Variants in BASP1 observed in about 807,000 individuals in gnomAD.
BASP1 encodes the protein brain acid soluble protein 1.
Under a neutral mutation model 2.2 loss-of-function variants are expected in BASP1, and 1 was observed. The observed-to-expected ratio is 0.46, with a 90% CI of 0.16 to 2.17. The LOEUF (loss-of-function observed/expected upper bound fraction) is 2.17, where lower values mean the gene tolerates loss of function less well. Ranked by LOEUF, BASP1 falls within the 30% of genes most tolerant of loss-of-function variation. The pLI is 0.27. For missense variants in BASP1, 352 were observed against 327.2 expected (o/e 1.08, Z -0.58); for synonymous variants, 187 against 154.2 (o/e 1.21, Z -1.58).
At chr5:17,273,149 A>T (rs952043143) in intron 1 of BASP1, among the ~76,000 whole-genome samples, 1 of 152,238 alleles carries the variant, frequency 6.6e-6, no homozygotes, top group African/African-American at 2.4e-5. Flanking sequence ...TATTTGGTAT[A>T]GGCCATTCGT....
intron 1 of BASP1, among the ~76,000 whole-genome samples, chr5:17,227,131 A>G (rs1411367531): frequency 6.6e-6 from 1 of 151,506 alleles, no homozygotes; most frequent in Non-Finnish European, 1.5e-5. Flanking sequence ...AGGTTTCACC[A>G]TGTTGGTCAG....
intron 1 of BASP1, among the ~76,000 whole-genome samples, chr5:17,270,142 A>C (rs1740501142): frequency 1.3e-5 from 2 of 152,124 alleles, no homozygotes; most frequent in African/African-American, 4.8e-5. Context: ...CTGGGATTAC[A>C]GGCATGCACC....
intron 1 of BASP1, among the ~76,000 whole-genome samples, chr5:17,228,255 T>C (rs1372342318): frequency 6.6e-6 from 1 of 152,212 alleles, no homozygotes; most frequent in East Asian, 1.9e-4. Flanking sequence ...TTTGATTTCA[T>C]CTGTACCAAA....
At chr5:17,220,564 A>C (rs186529187) in intron 1 of BASP1, among the ~76,000 whole-genome samples, 45 of 151,336 alleles carry the variant, frequency 3.0e-4, no homozygotes, top group African/African-American at 1.0e-3. Flanking sequence ...GCAGATAGAG[A>C]AATTGAGCCT....
intron 1 of BASP1, among the ~76,000 whole-genome samples, chr5:17,243,544 G>A (rs553849568): frequency 6.6e-6 from 1 of 152,290 alleles, no homozygotes; most frequent in East Asian, 1.9e-4. Flanking sequence ...GGTGAGGATT[G>A]GCCAGGCACA....
At chr5:17,226,085 A>G (rs1242070143) in intron 1 of BASP1, among the ~76,000 whole-genome samples, 4 of 152,238 alleles carry the variant, frequency 2.6e-5, no homozygotes, top group Admixed American at 2.6e-4. Context: ...TGACATATTG[A>G]GGTCAATAAG....
At chr5:17,227,435 C>T (rs1191452461) in intron 1 of BASP1, among the ~76,000 whole-genome samples, 2 of 135,094 alleles carry the variant, frequency 1.5e-5, no homozygotes, top group Admixed American at 7.3e-5. Context: ...AGAGTCTCGC[C>T]GTGTCGCCCA....
intron 1 of BASP1, among the ~76,000 whole-genome samples, chr5:17,239,722 A>T (rs935783382): frequency 3.9e-5 from 6 of 152,306 alleles, no homozygotes; most frequent in Middle Eastern, 3.4e-3. Context: ...TTTGCATGTG[A>T]TACTGCCCTT....
chr5:17,217,518 G>A (rs1479959177), upstream of BASP1: 1 of 133,554 alleles, frequency 7.5e-6, no homozygotes, highest in Admixed American at 7.3e-5. Context: ...CGGGCGGGGA[G>A]CGCGGGAGGA....
At chr5:17,239,082 C>T (rs1019505235) in intron 1 of BASP1, among the ~76,000 whole-genome samples, 9 of 151,880 alleles carry the variant, frequency 5.9e-5, no homozygotes, top group African/African-American at 2.2e-4. Flanking sequence ...ATCTTACATC[C>T]TGTCTTCAGC....
At chr5:17,218,607 CG>C (rs1739319265) in intron 1 of BASP1, among the ~76,000 whole-genome samples, 1 of 151,990 alleles carries the variant, frequency 6.6e-6, no homozygotes, top group Non-Finnish European at 1.5e-5. Context: ...GGCCCGGGCC[CG>C]GGGGGTGTGG....
intron 1 of BASP1, among the ~76,000 whole-genome samples, chr5:17,234,112 C>T (rs1181724877): frequency 6.6e-6 from 1 of 152,112 alleles, no homozygotes; most frequent in Non-Finnish European, 1.5e-5. Context: ...GCCTGCACGA[C>T]AGAGTGAGAC....
rs576796372 is a variant in BASP1, at chr5:17,250,900, G to T, written c.-9-24308G>T. On this transcript the variant is annotated intron_variant, in intron 1 of 1. Transcript: ENST00000322611. Reference sequence around the variant, plus strand: ...ATTACAGGCGTGAGCCACAGCGCCCGGCCAAAATATTTTAACCTGAATTTT... The same window carrying T: ...ATTACAGGCGTGAGCCACAGCGCCCTGCCAAAATATTTTAACCTGAATTTT... 2.6e-5 allele frequency among the ~76,000 whole-genome samples: 4 copies of T among 152,244 alleles called. No individual in the cohort carries two copies. In the East Asian group the frequency reaches 7.7e-4, roughly 29 times the overall value.
In BASP1 at chr5:17,276,002, T is replaced by C; in HGVS notation, c.*102T>C. On this transcript the variant is annotated 3_prime_UTR_variant, in exon 2 of 2. Coordinates refer to ENST00000322611, the MANE Select transcript of BASP1 (RefSeq NM_006317.5). ...CTCTCTATCTCCTCTCTCTCTCTCC[T>C]CTCCTATCTCTCCTCTCTCTCTCTC... is the stretch of plus-strand genomic sequence containing the variant. The C allele has an allele frequency of 1.0e-6, 1 of 966,258 alleles. No individual in the cohort carries two copies. Among genetic ancestry groups the C allele is most frequent in the Non-Finnish European group, 1.4e-6 (1 of 692,782 alleles). The allele number at this position is 966,258 out of a possible 1,614,324, so 59.9% of individuals were successfully genotyped here.
At chr5:17,217,093 A>AGAGAGAGAGAGAGAGAGAGAGAGAGAGT (rs1561160799), upstream of BASP1, 1 of 139,468 alleles carries the variant, frequency 7.2e-6, no homozygotes, top group East Asian at 2.1e-4. Flanking sequence ...AGAGAGAGAG[A>AGAGAGAGAGAGAGAGAGAGAGAGAGAGT]GAGTGAGTGA....
At chr5:17,270,753 G>C (rs949282419) in intron 1 of BASP1, among the ~76,000 whole-genome samples, 2 of 152,164 alleles carry the variant, frequency 1.3e-5, no homozygotes, top group Non-Finnish European at 2.9e-5. Flanking sequence ...GATGGGGGAA[G>C]GAACTAACAT....
At chr5:17,224,203 A>C (rs527839083) in intron 1 of BASP1, among the ~76,000 whole-genome samples, 1 of 152,356 alleles carries the variant, frequency 6.6e-6, no homozygotes, top group South Asian at 2.1e-4. Context: ...AGCAAAGGTG[A>C]ATTCACTCTC....
intron 1 of BASP1, among the ~76,000 whole-genome samples, chr5:17,247,833 TA>T (rs1740025883): frequency 1.3e-5 from 2 of 152,248 alleles, no homozygotes; most frequent in Admixed American, 1.3e-4. Context: ...TATCAGAGGA[TA>T]AATGTACTGC....
At chr5:17,232,978 TAAA>T in intron 1 of BASP1, among the ~76,000 whole-genome samples, 1 of 152,232 alleles carries the variant, frequency 6.6e-6, no homozygotes, top group East Asian at 1.9e-4. Flanking sequence ...TCTTATTAAA[TAAA>T]AAAGTTTGTA....
Sources: allele counts gnomAD v4.1 joint callset (sites outside exome capture counted in the v4.1 genomes callset), GRCh38; gene constraint gnomAD v4.1.1; transcripts MANE v1.5; gene names NCBI Gene and HGNC (gene_info 2026-07-23, HGNC 2026-07-21).